Variants in CNTNAP5 observed in about 807,000 individuals in gnomAD.
CNTNAP5 encodes contactin associated protein family member 5, also known as contactin-associated protein-like 5.
Under a neutral mutation model 150.2 loss-of-function variants are expected in CNTNAP5, and 72 were observed. The observed-to-expected ratio is 0.48, with a 90% CI of 0.40 to 0.58. The LOEUF (loss-of-function observed/expected upper bound fraction) is 0.58, where lower values mean the gene tolerates loss of function less well. Among genes scored for constraint, CNTNAP5 ranks in the 20% least tolerant of loss-of-function variants. CNTNAP5 has a pLI of 0.00. For missense variants in CNTNAP5, 1,636 were observed against 1,626.2 expected (o/e 1.01, Z -0.10); for synonymous variants, 672 against 619.8 (o/e 1.08, Z -1.25).
intron 16 of CNTNAP5, among the ~76,000 whole-genome samples, chr2:124,768,307 G>GTGTGTGTGTGTGTGTGTA (rs761983407): frequency 3.4e-4 from 49 of 144,724 alleles, no homozygotes; most frequent in Non-Finnish European, 4.6e-4. Flanking sequence ...GTGTGTGTGT[G>GTGTGTGTGTGTGTGTGTA]TGTATATGTA....
intron 10 of CNTNAP5, among the ~76,000 whole-genome samples, chr2:124,552,051 A>AG (rs144106108): frequency 0.078 from 11,869 of 152,166 alleles, 510 homozygotes; most frequent in African/African-American, 0.11. Flanking sequence ...TCTTAGACAA[A>AG]GGACCATTTT....
intron 13 of CNTNAP5, among the ~76,000 whole-genome samples, chr2:124,715,539 T>C (rs969040188): frequency 6.6e-6 from 1 of 152,162 alleles, no homozygotes; most frequent in Non-Finnish European, 1.5e-5. Context: ...ATACTTTAAG[T>C]TCTAGGGTAC....
intron 4 of CNTNAP5, among the ~76,000 whole-genome samples, chr2:124,432,416 C>T (rs943760563): frequency 2.6e-5 from 4 of 152,156 alleles, no homozygotes; most frequent in African/African-American, 9.7e-5. Context: ...GTAACTCCTA[C>T]ATATTGTTAA....
intron 11 of CNTNAP5, among the ~76,000 whole-genome samples, chr2:124,592,934 A>G (rs182938592): frequency 2.8e-4 from 42 of 151,900 alleles, no homozygotes; most frequent in African/African-American, 9.6e-4. Flanking sequence ...TTTGCCATTC[A>G]AAAATGTTTG....
At chr2:124,701,041 G>A (rs1318142069) in intron 13 of CNTNAP5, among the ~76,000 whole-genome samples, 4 of 151,962 alleles carry the variant, frequency 2.6e-5, no homozygotes, top group Non-Finnish European at 4.4e-5. Flanking sequence ...AGTTTAGCAT[G>A]AATCCCATAC....
chr2:124,458,375 G>A (rs1346382086), intron 6 of CNTNAP5, among the ~76,000 whole-genome samples: 1 of 136,294 alleles, frequency 7.3e-6, no homozygotes, highest in Non-Finnish European at 1.6e-5. Context: ...ACAGTGACCT[G>A]GATCAGACTG....
At chr2:124,670,930 G>A (rs1331112163) in intron 13 of CNTNAP5, among the ~76,000 whole-genome samples, 1 of 151,990 alleles carries the variant, frequency 6.6e-6, no homozygotes, top group Non-Finnish European at 1.5e-5. Flanking sequence ...ACTTATGTAA[G>A]CATGTTTTTA....
At chr2:124,656,215 A>T (rs1189578971) in intron 13 of CNTNAP5, among the ~76,000 whole-genome samples, 1 of 152,182 alleles carries the variant, frequency 6.6e-6, no homozygotes, top group Non-Finnish European at 1.5e-5. Flanking sequence ...ACCCTAAGAA[A>T]TGCAGTGAAT....
At chr2:124,067,176 A>G (rs1320580554) in intron 1 of CNTNAP5, among the ~76,000 whole-genome samples, 1 of 152,190 alleles carries the variant, frequency 6.6e-6, no homozygotes, top group Non-Finnish European at 1.5e-5. Context: ...CTGGAAGTAT[A>G]GTCTATTGGT....
At chr2:124,286,726 C>T (rs1009309163) in intron 3 of CNTNAP5, among the ~76,000 whole-genome samples, 3 of 152,160 alleles carry the variant, frequency 2.0e-5, no homozygotes, top group Admixed American at 6.5e-5. Context: ...CTGCATAGCC[C>T]GCCCATCTCC....
chr2:124,788,603 C>CTTTCT (rs745963953), intron 17 of CNTNAP5, among the ~76,000 whole-genome samples: 1,526 of 136,316 alleles, frequency 0.011, 34 homozygotes, highest in African/African-American at 0.037. Flanking sequence ...TTCTTTCTTT[C>CTTTCT]TTTTTTTTTT....
rs1197172884 is a variant in CNTNAP5 at position 124,763,680 on chromosome 2, A to C, written c.2243A>C (p.Asp748Ala). The C allele has an allele frequency of 6.2e-7, 1 of 1,612,192 alleles. No individual in the cohort carries two copies. Among genetic ancestry groups the C allele is most frequent in the African/African-American group, 1.3e-5 (1 of 74,970 alleles). The change falls in exon 15 of 24, where the codon GAT becomes GCT. Residue 748 changes from aspartate to alanine, a missense_variant. By Grantham distance (126) the Asp-to-Ala change is moderately radical (BLOSUM62 -2). Coordinates refer to ENST00000682447, the MANE Select transcript of CNTNAP5 (RefSeq NM_001367498.1). Reference sequence around the variant, plus strand: ...AAATTTATGTTTTGCAGGACAAATGATACTGGCTTTCTTTCCTTCAAAGAC... The same window carrying C: ...AAATTTATGTTTTGCAGGACAAATGCTACTGGCTTTCTTTCCTTCAAAGAC... ...CDADKDEWTN[D>A]TGFLSFKDHL...
intron 1 of CNTNAP5, among the ~76,000 whole-genome samples, chr2:124,105,465 A>G (rs1683153499): frequency 6.6e-6 from 1 of 152,194 alleles, no homozygotes; most frequent in South Asian, 2.1e-4. Flanking sequence ...CAATCAGTGA[A>G]AAGAGTGGCA....
At chr2:124,512,892 AC>A (rs371891998) in intron 8 of CNTNAP5, among the ~76,000 whole-genome samples, 3 of 152,322 alleles carry the variant, frequency 2.0e-5, no homozygotes, top group Admixed American at 6.5e-5. Context: ...TTGAGCATTG[AC>A]TACATTTACA....
intron 11 of CNTNAP5, among the ~76,000 whole-genome samples, chr2:124,588,163 T>TCCTC (rs2104956480): frequency 1.2e-5 from 1 of 85,262 alleles, no homozygotes; most frequent in African/African-American, 4.0e-5. Flanking sequence ...TCCTTTTCCT[T>TCCTC]CCTTCCTTCC....
intron 4 of CNTNAP5, among the ~76,000 whole-genome samples, chr2:124,418,514 G>A (rs1691988470): frequency 6.6e-6 from 1 of 152,154 alleles, no homozygotes; most frequent in African/African-American, 2.4e-5. Context: ...TCTGAAAATG[G>A]AAATCCAAAA....
chr2:124,626,443 GTCA>G (rs1326243856), intron 12 of CNTNAP5, among the ~76,000 whole-genome samples: 3 of 152,092 alleles, frequency 2.0e-5, no homozygotes, highest in African/African-American at 4.8e-5. Context: ...AGCAGAGTGG[GTCA>G]TCATTTCACC....
chr2:124,907,819 T>C (rs938357655), intron 22 of CNTNAP5, among the ~76,000 whole-genome samples: 10 of 150,812 alleles, frequency 6.6e-5, no homozygotes, highest in African/African-American at 2.0e-4. Context: ...ATGGTATTTT[T>C]AACTTTTGTA....
chr2:124,096,169 C>T (rs1350401030), intron 1 of CNTNAP5, among the ~76,000 whole-genome samples: 1 of 152,162 alleles, frequency 6.6e-6, no homozygotes, highest in Non-Finnish European at 1.5e-5. Flanking sequence ...TCCAAACATT[C>T]CAGTATCCTT....
Sources: allele counts gnomAD v4.1 joint callset (sites outside exome capture counted in the v4.1 genomes callset), GRCh38; gene constraint gnomAD v4.1.1; transcripts MANE v1.5; gene names NCBI Gene and HGNC (gene_info 2026-07-23, HGNC 2026-07-21).